NEB: variants seen among roughly 807,000 people sequenced by gnomAD.
The protein encoded by NEB is nemaline myopathy type 2.
In NEB, 512 loss-of-function variants were observed where a neutral mutation model predicts 952.2. That is an observed-to-expected ratio of 0.54 (90% CI 0.50 to 0.58). NEB has a LOEUF of 0.58. NEB is among the 20% of genes least tolerant of loss of function. The probability of loss-of-function intolerance (pLI) is 0.00; values close to 1 mark genes in which losing one functional copy is unlikely to be tolerated. For missense variants in NEB, 8,428 were observed against 9,231.1 expected, an observed-to-expected ratio of 0.91 and a Z score of 3.56; for synonymous variants, 2,900 against 3,149.8, an observed-to-expected ratio of 0.92 and a Z score of 2.66.
At chr2:151,660,422 C>A (rs1031613699) in intron 46 of NEB, among the ~76,000 whole-genome samples, 1 of 152,068 alleles carries the variant, frequency 6.6e-6, no homozygotes, top group Non-Finnish European at 1.5e-5. Context: ...GGTAATGATA[C>A]CTGAGTTTTA....
intron 109 of NEB, among the ~76,000 whole-genome samples, chr2:151,569,855 C>A (rs2096565152): frequency 6.6e-6 from 1 of 152,146 alleles, no homozygotes; most frequent in Non-Finnish European, 1.5e-5. Flanking sequence ...TTTCTTTAAT[C>A]TGATACAATT....
At position 151,619,654 on chromosome 2, in the gene NEB, T is replaced by G; in HGVS notation, c.10669A>C (p.Ser3557Arg). The part of the protein sequence containing the change: ...MWSLHIAKVQ[S>R]DREYKKDFEK... ...AAATCTTTCTTGTACTCACGGTCAC[T>G]CTGCACTTTGGCAATGTGGAGGGAC... Residue 3557 changes from serine to arginine, a missense_variant, in exon 73 of 182, where the codon AGT becomes CGT. By Grantham distance (110) the Ser-to-Arg change is moderately radical. This residue lies in a region of NEB where 1,772 missense variants were observed against 1,960.3 expected (regional missense o/e 0.90). Transcript: ENST00000397345. 6.2e-7 allele frequency: 1 copy of G among 1,614,028 alleles called. No homozygotes were observed. The highest frequency in any genetic ancestry group is 1.3e-5 in the African/African-American group (1 of 75,064).
rs766122329 is a variant in NEB, at chr2:151,677,977, C to A, written c.3466G>T (p.Val1156Phe). 2.0e-5 allele frequency: 32 copies of A among 1,613,800 alleles called. No homozygotes were observed. The highest frequency in any genetic ancestry group is 2.7e-5 in the Non-Finnish European group (32 of 1,179,858). ...VVAAKKAQDV[V>F]SNVNYKHSLH... ...GAATGCTTATAGTTGACATTGCTGACCACATCCTGGGCTTTCTTAGCCGCC... is the reference window on the plus strand; with the variant it reads ...GAATGCTTATAGTTGACATTGCTGAACACATCCTGGGCTTTCTTAGCCGCC... Residue 1156 changes from valine (V) to phenylalanine (F), a missense_variant, in exon 33 of 182, where the codon GTC (valine) becomes TTC (phenylalanine). By Grantham distance (50) the Val-to-Phe change is conservative. Coordinates refer to ENST00000397345, the MANE Select transcript of NEB (RefSeq NM_001164508.2).
chr2:151,610,916 C>A (rs2097925690), intron 78 of NEB, 50 bp from the exon 79 acceptor site: 1 of 1,193,852 alleles, frequency 8.4e-7, no homozygotes, highest in African/African-American at 1.5e-5. Flanking sequence ...GAGTATAAGA[C>A]CTTCTGTTAA....
At chr2:151,620,347 GTATATATATATATATATATATATATA>G (rs71000481) in intron 72 of NEB, among the ~76,000 whole-genome samples, 7 of 48,484 alleles carry the variant, frequency 1.4e-4, no homozygotes, top group South Asian at 8.7e-4. Context: ...GTATGTGTGT[GTATATATATATATATATATATATATA>G]TATATATATA....
intron 161 of NEB, among the ~76,000 whole-genome samples, chr2:151,512,341 T>C (rs1409259299): frequency 4.0e-5 from 6 of 150,060 alleles, no homozygotes; most frequent in Non-Finnish European, 8.9e-5. Context: ...GCTTCTCTCT[T>C]TTTTTTTTAA....
At chr2:151,572,871 TAAA>T (rs543483258) in intron 107 of NEB, among the ~76,000 whole-genome samples, 7 of 86,642 alleles carry the variant, frequency 8.1e-5, no homozygotes, top group Admixed American at 2.5e-4. Context: ...TATTTTTAAC[TAAA>T]AAAAAAAAAA....
At position 151,656,350 on chromosome 2, in the gene NEB, G is replaced by A. The variant is rs756398214; in HGVS notation, c.6298C>T (p.Arg2100Trp). 1.2e-5 allele frequency: 20 copies of A among 1,613,382 alleles called. No individual in the cohort carries two copies. The highest frequency in any genetic ancestry group is 1.6e-4 in the Middle Eastern group (1 of 6,080). Residue 2100 changes from arginine (R) to tryptophan (W), a missense_variant, in exon 49 of 182, where the codon CGG becomes TGG. Arg to Trp is a moderately radical substitution (Grantham distance 101, BLOSUM62 -3). Transcript: ENST00000397345. ...SMQVAKMQSDREYKKNYENTK... is the reference protein window; with the variant it reads ...SMQVAKMQSDWEYKKNYENTK... ...TTCTCATAGTTTTTCTTGTACTCCC[G>A]ATCAGATTGCATCTTAGCCACTTGC...
chr2:151,619,395 A>G (rs766218582), intron 73 of NEB, 56 bp downstream of exon 73: 5 of 1,503,768 alleles, frequency 3.3e-6, no homozygotes, highest in Non-Finnish European at 3.6e-6. Flanking sequence ...GTCAGAACTC[A>G]CAGACACGTT....
chr2:151,575,029 C>G (rs1457912749), intron 107 of NEB, among the ~76,000 whole-genome samples: 1 of 152,172 alleles, frequency 6.6e-6, no homozygotes, highest in Non-Finnish European at 1.5e-5. Context: ...CATGAGCCAC[C>G]ATGCCCAGCT....
chr2:151,642,284 A>G (rs1219347512), intron 60 of NEB, among the ~76,000 whole-genome samples: 2 of 152,250 alleles, frequency 1.3e-5, no homozygotes, highest in Non-Finnish European at 1.5e-5. Flanking sequence ...TGAGAGATAC[A>G]TCATTGGAAA....
At chr2:151,653,420 A>C (rs2099052208) in intron 52 of NEB, among the ~76,000 whole-genome samples, 1 of 152,178 alleles carries the variant, frequency 6.6e-6, no homozygotes, top group Non-Finnish European at 1.5e-5. Context: ...TGGGAGAGTG[A>C]ATCTATGAAC....
rs1376766162 is a variant in NEB, at chr2:151,570,082, T to A, written c.17429A>T (p.Asp5810Val). The stretch of plus-strand genomic sequence containing the variant: ...CAACCCCAAATGCAGCCCACTCACA[T>A]CGCTCTGCAGTTCGTAGGCCTTCTT... ...QAKKAYELQS[D>V]NVYKADLEWL... is the part of the protein sequence containing the mutation. The change falls in exon 109 of 182, where the codon GAT becomes GTT. Residue 5810 changes from aspartate to valine, a missense_variant and splice_region_variant. Physicochemically the swap from Asp to Val is radical, Grantham distance 152. This residue lies in a region of NEB where 3,374 missense variants were observed against 3,651.5 expected (regional missense o/e 0.92). Coordinates refer to ENST00000397345, the MANE Select transcript of NEB (RefSeq NM_001164508.2). 4 of 1,603,780 alleles carry A rather than the reference T, an allele frequency of 2.5e-6. No homozygotes were observed. The highest frequency in any genetic ancestry group is 2.2e-5 in the East Asian group (1 of 44,538).
In NEB at chr2:151,655,915, G is replaced by A; in HGVS notation, c.6604C>T (p.Gln2202Ter). ...AKKATEYASDQKYRQHPSNFQ... is the reference protein window; with the variant it reads ...AKKATEYASD ...TTGCTCGGGTGCTGGCGGTATTTCT[G>A]ATCACTGGCATATTCAGTTGCTTTC... The change falls in exon 50 of 182, where the codon CAG becomes TAG. Residue 2202 changes from glutamine (Q) to a stop codon, truncating the protein, a stop_gained. Transcript: ENST00000397345. LOFTEE classifies it high-confidence loss of function. 1 of 1,613,806 alleles carries A rather than the reference G, an allele frequency of 6.2e-7. No individual in the cohort carries two copies. The highest frequency in any genetic ancestry group is 8.5e-7 in the Non-Finnish European group (1 of 1,179,816).
At chr2:151,578,706 G>T (rs1324571191) in intron 105 of NEB, among the ~76,000 whole-genome samples, 3 of 147,176 alleles carry the variant, frequency 2.0e-5, no homozygotes, top group Admixed American at 6.8e-5. Context: ...AGAGAAGGAG[G>T]GAAGGAAGGA....
chr2:151,662,016 G>T, intron 46 of NEB, 119 bp downstream of exon 46: 1 of 761,614 alleles, frequency 1.3e-6, no homozygotes, highest in South Asian at 3.3e-5. Context: ...CTTTTTCTAG[G>T]TAAAATAACC....
rs138175434 is a variant in NEB at position 151,669,561 on chromosome 2, G to A, written c.4507-430C>T. On this transcript the variant is annotated intron_variant, in intron 38 of 181. Transcript: ENST00000397345. ...CTCAAACTTGGAGAGAGGGGCAGAG[G>A]AAGAGCATTCGGGACCTGAGGCTGG... is the stretch of plus-strand genomic sequence containing the variant. Among the ~76,000 whole-genome samples the A allele has an allele frequency of 5.3e-3, 805 of 152,292 alleles. 4 individuals are homozygous for A. Among genetic ancestry groups the A allele is most frequent in the Non-Finnish European group, 8.6e-3 (583 of 68,024 alleles).
chr2:151,507,704 C>T, intron 162 of NEB: 1 of 312,494 alleles, frequency 3.2e-6, no homozygotes. Context: ...GTGTGTCTCT[C>T]TTGTTAATCT....
At position 151,655,749 on chromosome 2, in the gene NEB, A is replaced by G. The variant is rs567009676; in HGVS notation, c.6702+68T>C. On this transcript the variant is annotated intron_variant, in intron 50 of 181. Coordinates refer to ENST00000397345, the MANE Select transcript of NEB (RefSeq NM_001164508.2). ...GATGGACCTTAATTAGATTTCTCCA[A>G]ACAAGAACCAGAGCCTGCTAGCCTT... 1.6e-5 allele frequency: 24 copies of G among 1,533,666 alleles called. No homozygotes were observed. In the African/African-American group the frequency reaches 1.6e-4, roughly 10 times the overall value.
Sources: allele counts gnomAD v4.1 joint callset (sites outside exome capture counted in the v4.1 genomes callset), GRCh38; gene constraint gnomAD v4.1.1; regional missense constraint gnomAD v4.1.1; transcripts MANE v1.5; gene names NCBI Gene and HGNC (gene_info 2026-07-23, HGNC 2026-07-21).